Variants in GRK5 observed in about 807,000 individuals in gnomAD.
GRK5 encodes the protein G protein-coupled receptor kinase 5, also known as g protein-coupled receptor kinase GRK5.
In GRK5, 40 loss-of-function variants were observed where a neutral mutation model predicts 78.4. That is an observed-to-expected ratio of 0.51 (90% confidence interval 0.40 to 0.66). The LOEUF (loss-of-function observed/expected upper bound fraction) is 0.66. GRK5 is among the 30% of genes least tolerant of loss of function. GRK5 has a pLI of 0.00. For missense variants in GRK5, 598 were observed against 759.9 expected, an observed-to-expected ratio of 0.79 and a Z score of 2.50; for synonymous variants, 289 against 296.8, an observed-to-expected ratio of 0.97 and a Z score of 0.27.
intron 2 of GRK5, among the ~76,000 whole-genome samples, chr10:119,354,362 C>G (rs548573529): frequency 2.0e-5 from 3 of 150,550 alleles, no homozygotes; most frequent in East Asian, 3.9e-4. Context: ...CTAGACTTAT[C>G]CTACATAACT....
At chr10:119,352,238 C>T (rs1851196454) in intron 2 of GRK5, among the ~76,000 whole-genome samples, 1 of 152,160 alleles carries the variant, frequency 6.6e-6, no homozygotes, top group Non-Finnish European at 1.5e-5. Flanking sequence ...CTCTCGATTC[C>T]ACTAGGTGTC....
intron 2 of GRK5, among the ~76,000 whole-genome samples, chr10:119,339,764 T>C (rs1245495474): frequency 6.6e-6 from 1 of 152,066 alleles, no homozygotes; most frequent in Non-Finnish European, 1.5e-5. Flanking sequence ...CTTGGCAGTG[T>C]GAGCCTGTAG....
intron 4 of GRK5, among the ~76,000 whole-genome samples, chr10:119,416,853 C>T (rs534689918): frequency 7.9e-5 from 12 of 152,356 alleles, no homozygotes; most frequent in East Asian, 7.7e-4. Flanking sequence ...CTCGGCCTGC[C>T]GAAGTGCTAG....
Position 119,452,523 on chromosome 10 carries a change from C to A in GRK5, c.1405-148C>A. On this transcript the variant is annotated intron_variant, in intron 13 of 15. Coordinates refer to ENST00000392870, the MANE Select transcript of GRK5 (RefSeq NM_005308.3). The surrounding 1 kb of genome is among the most constrained non-coding windows in gnomAD (Gnocchi z 4.4). ...TCCCCTGGACTCACCTGCATCTGAG[C>A]CACACACCCTCCAGCCACTACCCAT... The A allele has an allele frequency of 1.1e-6, 1 of 915,010 alleles. No homozygotes were observed. The highest frequency in any genetic ancestry group is 1.6e-6 in the Non-Finnish European group (1 of 616,518). 56.7% of individuals were successfully genotyped at this position (915,010 alleles called of 1,614,324 possible).
chr10:119,259,694 T>C (rs1849342073), intron 1 of GRK5, among the ~76,000 whole-genome samples: 1 of 152,198 alleles, frequency 6.6e-6, no homozygotes, highest in Non-Finnish European at 1.5e-5. Context: ...ATGGAAATGT[T>C]CTGTATATTA....
intron 4 of GRK5, among the ~76,000 whole-genome samples, chr10:119,397,097 GAGAAGTGCCC>G (rs1400933503): frequency 1.3e-5 from 2 of 152,266 alleles, no homozygotes; most frequent in Non-Finnish European, 2.9e-5. Context: ...CCAAGTTCAG[GAGAAGTGCCC>G]AGAAGGAAGG....
At chr10:119,413,618 G>A (rs1009096035) in intron 4 of GRK5, among the ~76,000 whole-genome samples, 1 of 151,972 alleles carries the variant, frequency 6.6e-6, no homozygotes, top group African/African-American at 2.4e-5. Flanking sequence ...GTGCCGTGCT[G>A]CATTCCATCC....
rs150211205 is a variant in GRK5 at position 119,356,792 on chromosome 10, C to T, written c.149-24023C>T. Among the ~76,000 whole-genome samples the T allele has an allele frequency of 3.9e-3, 596 of 152,326 alleles. 1 individual carries two copies. Among genetic ancestry groups the T allele is most frequent in the African/African-American group, 0.014 (584 of 41,570 alleles). On this transcript the variant is annotated intron_variant, in intron 2 of 15. Transcript: ENST00000392870. ...TAGCAGGCTCAGCCCAAGCCACTAC[C>T]GATCCCTTTTCTCACAAGTTTTCAA...
At chr10:119,369,175 C>G in intron 2 of GRK5, among the ~76,000 whole-genome samples, 1 of 152,252 alleles carries the variant, frequency 6.6e-6, no homozygotes, top group East Asian at 1.9e-4. Context: ...TTGATGCAGT[C>G]GGTCTGGGTG....
intron 1 of GRK5, among the ~76,000 whole-genome samples, chr10:119,228,848 G>A (rs1164116635): frequency 1.3e-5 from 2 of 152,104 alleles, no homozygotes; most frequent in Non-Finnish European, 2.9e-5. Context: ...TTAAAGAAAA[G>A]TAAACATGCC....
intron 3 of GRK5, among the ~76,000 whole-genome samples, chr10:119,390,275 G>C (rs1389743361): frequency 6.6e-6 from 1 of 152,044 alleles, no homozygotes; most frequent in Admixed American, 6.6e-5. Flanking sequence ...GAGGTTTAAC[G>C]GACTCACAGT....
intron 1 of GRK5, 34 bp from the exon 2 acceptor site, chr10:119,326,482 C>T: frequency 1.9e-6 from 3 of 1,566,358 alleles, no homozygotes; most frequent in Non-Finnish European, 1.8e-6. Context: ...GGCTCTGGAG[C>T]CTCAGCCAGG....
At chr10:119,340,198 C>T (rs546095314) in intron 2 of GRK5, among the ~76,000 whole-genome samples, 1 of 152,300 alleles carries the variant, frequency 6.6e-6, no homozygotes, top group East Asian at 1.9e-4. Flanking sequence ...TGCAGTCTCA[C>T]TCACTGCAAC....
intron 3 of GRK5, among the ~76,000 whole-genome samples, chr10:119,382,183 C>T (rs899519592): frequency 7.1e-5 from 7 of 99,190 alleles, no homozygotes; most frequent in Admixed American, 1.1e-4. Context: ...GCTCCCTCCC[C>T]TCTGCAGGCT....
chr10:119,436,801 T>C lies in GRK5; in HGVS notation c.889T>C (p.Cys297Arg), dbSNP rs914468006. Residue 297 changes from cysteine to arginine, a missense_variant, in exon 9 of 16, where the codon TGC (cysteine) becomes CGC (arginine). Coordinates refer to ENST00000392870, the MANE Select transcript of GRK5 (RefSeq NM_005308.3). ...RALFYAAEIL[C>R]GLEDLHRENT... ...CTTGTTTTATGCGGCAGAGATCCTC[T>C]GCGGCTTAGAAGACCTCCACCGTGA... is the stretch of plus-strand genomic sequence containing the variant. 7.4e-6 allele frequency: 12 copies of C among 1,613,246 alleles called. No homozygotes were observed. Among genetic ancestry groups the C allele is most frequent in the Non-Finnish European group, 1.0e-5 (12 of 1,179,444 alleles).
chr10:119,315,649 T>C (rs1393097960), intron 1 of GRK5, among the ~76,000 whole-genome samples: 2 of 152,240 alleles, frequency 1.3e-5, no homozygotes, highest in Non-Finnish European at 2.9e-5. Context: ...AGCTGAGTCC[T>C]GAAAGCCCAC....
At chr10:119,357,659 G>A (rs1343802355) in intron 2 of GRK5, among the ~76,000 whole-genome samples, 1 of 152,188 alleles carries the variant, frequency 6.6e-6, no homozygotes, top group East Asian at 1.9e-4. Context: ...TCACACTCAG[G>A]CCTGCTGGCC....
intron 1 of GRK5, among the ~76,000 whole-genome samples, chr10:119,273,704 G>A (rs1849622456): frequency 6.6e-6 from 1 of 152,212 alleles, no homozygotes; most frequent in African/African-American, 2.4e-5. Flanking sequence ...GCTGAGCCAT[G>A]TATCTGGGGT....
intron 4 of GRK5, among the ~76,000 whole-genome samples, chr10:119,415,081 CAAAAAAAAAAAAAAA>C (rs762165768): frequency 1.3e-5 from 1 of 75,734 alleles, no homozygotes; most frequent in Non-Finnish European, 2.6e-5. Flanking sequence ...GACTCTGTCT[CAAAAAAAAAAAAAAA>C]AAAAAAAGAA....
Sources: allele counts gnomAD v4.1 joint callset (sites outside exome capture counted in the v4.1 genomes callset), GRCh38; gene constraint gnomAD v4.1.1; non-coding constraint Gnocchi (gnomAD v3.1); transcripts MANE v1.5; gene names NCBI Gene and HGNC (gene_info 2026-07-23, HGNC 2026-07-21).